Variants in XRCC4 observed in about 807,000 individuals in gnomAD.
The protein encoded by XRCC4 is DNA repair protein XRCC4.
A neutral mutation model predicts 39.1 loss-of-function variants in XRCC4; 28 were observed. The ratio of observed to expected loss-of-function variants is 0.72; its 90% CI spans 0.53 to 0.98. The LOEUF (loss-of-function observed/expected upper bound fraction) is 0.98. Among genes scored for constraint, XRCC4 ranks in the 50% least tolerant of loss-of-function variants. The pLI, the probability that XRCC4 is intolerant of heterozygous loss-of-function variation, is 0.00. For missense variants in XRCC4, 350 were observed against 376.4 expected, an observed-to-expected ratio of 0.93 and a Z score of 0.58; for synonymous variants, 123 against 126.4, an observed-to-expected ratio of 0.97 and a Z score of 0.18.
intron 6 of XRCC4, among the ~76,000 whole-genome samples, chr5:83,234,994 A>G (rs1343908241): frequency 6.6e-6 from 1 of 151,534 alleles, no homozygotes; most frequent in Non-Finnish European, 1.5e-5. Flanking sequence ...TTATCGCATT[A>G]ATATTATTAT....
chr5:83,263,539 A>G (rs1304264285), intron 7 of XRCC4, among the ~76,000 whole-genome samples: 4 of 151,286 alleles, frequency 2.6e-5, no homozygotes, highest in African/African-American at 9.7e-5. Flanking sequence ...TTGCCATTCT[A>G]ACTGGTGTGA....
chr5:83,231,647 A>G (rs1433494328), intron 6 of XRCC4, among the ~76,000 whole-genome samples: 1 of 152,122 alleles, frequency 6.6e-6, no homozygotes, highest in Non-Finnish European at 1.5e-5. Flanking sequence ...TAGCACTGTC[A>G]CATTGCTAAA....
rs142423125 is a variant in XRCC4, at chr5:83,181,393, A to G, written c.316-14377A>G. On this transcript the variant is annotated intron_variant, in intron 3 of 7. Transcript: ENST00000396027. ...GTAAATATCAGTTTTTTGTGTATCAATCTCTAAATTATATCCAAATTCTCT... is the reference window on the plus strand; with the variant it reads ...GTAAATATCAGTTTTTTGTGTATCAGTCTCTAAATTATATCCAAATTCTCT... 3.6e-4 allele frequency among the ~76,000 whole-genome samples: 55 copies of G among 152,192 alleles called. No homozygotes were observed. The East Asian group carries it at 7.1e-3, about 20-fold the overall frequency.
chr5:83,322,847 G>T (rs1300756886), intron 7 of XRCC4, among the ~76,000 whole-genome samples: 1 of 152,110 alleles, frequency 6.6e-6, no homozygotes, highest in Non-Finnish European at 1.5e-5. Flanking sequence ...TTTTATTCTG[G>T]TGTTACTGAT....
At chr5:83,361,793 T>C in the XRCC4 span, among the ~76,000 whole-genome samples, 20 of 152,052 alleles carry the variant, frequency 1.3e-4, no homozygotes, top group African/African-American at 4.3e-4. Context: ...AGCTAATTTT[T>C]GTATTTTTAG....
At chr5:83,195,972 G>A in intron 4 of XRCC4, 36 bp downstream of exon 4, 2 of 1,529,880 alleles carry the variant, frequency 1.3e-6, no homozygotes, top group Non-Finnish European at 1.8e-6. Context: ...TAAAAATACG[G>A]AGCCCTCTTT....
intron 7 of XRCC4, among the ~76,000 whole-genome samples, chr5:83,278,295 CAT>C (rs1253489878): frequency 6.6e-6 from 1 of 152,216 alleles, no homozygotes; most frequent in Non-Finnish European, 1.5e-5. Context: ...GATCTGGAAA[CAT>C]AAATTAATTT....
intron 4 of XRCC4, among the ~76,000 whole-genome samples, chr5:83,200,595 TGTTA>T (rs149309589): frequency 0.3 from 45,918 of 151,800 alleles, 7,330 homozygotes; most frequent in Middle Eastern, 0.4. Context: ...GGAATTAGCT[TGTTA>T]GTTGTTAAGT....
chr5:83,121,960 A>G (rs1747031317), intron 3 of XRCC4, among the ~76,000 whole-genome samples: 1 of 152,044 alleles, frequency 6.6e-6, no homozygotes, highest in Non-Finnish European at 1.5e-5. Context: ...TTTTTCTTGC[A>G]CTTTGTTGAA....
intron 7 of XRCC4, among the ~76,000 whole-genome samples, chr5:83,351,330 A>G (rs551322139): frequency 1.3e-5 from 2 of 152,192 alleles, no homozygotes; most frequent in Non-Finnish European, 2.9e-5. Flanking sequence ...ATAGGGGCAC[A>G]GTTTCAATCT....
At chr5:83,263,577 G>C (rs1753842194) in intron 7 of XRCC4, among the ~76,000 whole-genome samples, 1 of 151,266 alleles carries the variant, frequency 6.6e-6, no homozygotes, top group African/African-American at 2.4e-5. Context: ...GTTTTGATTT[G>C]CATTTCTCTG....
chr5:83,163,533 A>C (rs1749319714), intron 3 of XRCC4, among the ~76,000 whole-genome samples: 1 of 152,206 alleles, frequency 6.6e-6, no homozygotes, highest in African/African-American at 2.4e-5. Flanking sequence ...AAAGCATTAA[A>C]ATTTAGATAA....
intron 3 of XRCC4, among the ~76,000 whole-genome samples, chr5:83,178,170 G>T (rs898782983): frequency 2.0e-5 from 3 of 152,090 alleles, no homozygotes; most frequent in African/African-American, 7.2e-5. Context: ...GTTACTGGGG[G>T]TAAAGCAGGT....
chr5:83,245,954 CTG>C (rs1327135830), intron 6 of XRCC4, among the ~76,000 whole-genome samples: 2 of 151,368 alleles, frequency 1.3e-5, no homozygotes, highest in African/African-American at 4.9e-5. Flanking sequence ...TTGAAAGTAA[CTG>C]TTTCTTTCAT....
chr5:83,190,987 A>T (rs1750668150), intron 3 of XRCC4, among the ~76,000 whole-genome samples: 1 of 152,166 alleles, frequency 6.6e-6, no homozygotes, highest in Non-Finnish European at 1.5e-5. Context: ...TATTGTAGTT[A>T]TAGTTTCTTA....
intron 7 of XRCC4, among the ~76,000 whole-genome samples, chr5:83,300,151 A>C (rs1039029312): frequency 3.9e-5 from 6 of 152,186 alleles, no homozygotes; most frequent in African/African-American, 1.4e-4. Flanking sequence ...AGTGATTTGC[A>C]AACATACTTT....
downstream of XRCC4, among the ~76,000 whole-genome samples, chr5:83,357,164 G>A (rs965407602): frequency 2.6e-5 from 4 of 152,110 alleles, no homozygotes; most frequent in Admixed American, 2.0e-4. Context: ...AGGATAAATC[G>A]ATCCTTTCAA....
intron 1 of XRCC4, 41 bp downstream of exon 1, chr5:83,077,656 A>G (rs1744724057): frequency 6.5e-6 from 2 of 308,292 alleles, no homozygotes; most frequent in Non-Finnish European, 6.1e-6. Context: ...AATAACAAAA[A>G]TCTGAGGTTC....
chr5:83,145,156 C>T (rs1017092411), intron 3 of XRCC4, among the ~76,000 whole-genome samples: 10 of 152,132 alleles, frequency 6.6e-5, no homozygotes, highest in African/African-American at 1.9e-4. Flanking sequence ...CGGCCTCCCA[C>T]AGTGCTGGGC....
Sources: allele counts gnomAD v4.1 joint callset (sites outside exome capture counted in the v4.1 genomes callset), GRCh38; gene constraint gnomAD v4.1.1; transcripts MANE v1.5; gene names NCBI Gene and HGNC (gene_info 2026-07-23, HGNC 2026-07-21).